TPGS2: variants seen among roughly 807,000 people sequenced by gnomAD.
TPGS2 encodes polyglutamylase subunit 2.
In TPGS2, 26 loss-of-function variants were observed where a neutral mutation model predicts 31.1. The ratio of observed to expected loss-of-function variants is 0.84; its 90% confidence interval spans 0.61 to 1.16. TPGS2 has a LOEUF of 1.16. Ranked by LOEUF, TPGS2 falls within the 50% of genes most tolerant of loss-of-function variation. The pLI, the probability that TPGS2 is intolerant of heterozygous loss-of-function variation, is 0.00. For missense variants in TPGS2, 351 were observed against 363.8 expected (o/e 0.96, Z 0.29); for synonymous variants, 130 against 136.6 (o/e 0.95, Z 0.34).
intron 2 of TPGS2, among the ~76,000 whole-genome samples, 181 bp from the exon 3 acceptor site, chr18:36,808,115 GC>G (rs2045253020): frequency 6.6e-6 from 1 of 152,100 alleles, no homozygotes; most frequent in Admixed American, 6.5e-5. Context: ...GTTCCAGTTT[GC>G]CTTTTTTTTC....
chr18:36,797,179 AAAT>A (rs1243450605), intron 6 of TPGS2, 129 bp from the exon 7 acceptor site: 1 of 1,518,582 alleles, frequency 6.6e-7, no homozygotes, highest in Non-Finnish European at 8.8e-7. Context: ...AACTGCCTAA[AAAT>A]CTATTTGCTC....
rs565554635 is a variant in TPGS2, at chr18:36,784,132, T to C, written c.658-1001A>G. On this transcript the variant is annotated intron_variant, in intron 6 of 6. Coordinates refer to the TPGS2 transcript ENST00000587129. ...GATTTTAGCTCAATAAAACTAATGT[T>C]GAACTGCTAGCCTCCAGAAATATGA... 3.3e-5 allele frequency among the ~76,000 whole-genome samples: 5 copies of C among 152,302 alleles called. No individual in the cohort carries two copies. In the South Asian group the frequency reaches 8.3e-4, roughly 25 times the overall value.
Position 36,800,270 on chromosome 18 carries a change from T to A in TPGS2, c.424A>T (p.Ser142Cys). Residue 142 changes from serine (S) to cysteine (C), a missense_variant, in exon 5 of 7, where the codon AGT becomes TGT. Ser to Cys is a moderately radical substitution (Grantham distance 112). Transcript: ENST00000334295. ...QPEKPHFDSRSVIFELDSCNG... is the reference protein window; with the variant it reads ...QPEKPHFDSRCVIFELDSCNG... ...CATGAATCCAGCTCAAATATCACACTGCGAGAGTCAAAGTGAGGCTTCTCT... is the reference window on the plus strand; with the variant it reads ...CATGAATCCAGCTCAAATATCACACAGCGAGAGTCAAAGTGAGGCTTCTCT... 3 of 1,614,190 alleles carry A rather than the reference T, an allele frequency of 1.9e-6. No individual in the cohort carries two copies. In the South Asian group the frequency reaches 3.3e-5, roughly 18 times the overall value.
At chr18:36,786,649 A>C in intron 6 of TPGS2, 1 of 420,128 alleles carries the variant, frequency 2.4e-6, no homozygotes, top group Non-Finnish European at 4.0e-6. Flanking sequence ...CTCTCTTTTA[A>C]TATCAATGCT....
downstream of TPGS2, among the ~76,000 whole-genome samples, chr18:36,791,628 T>C (rs898191242): frequency 5.3e-5 from 8 of 152,142 alleles, no homozygotes; most frequent in Admixed American, 1.3e-4. Context: ...TTCTCAACTA[T>C]ATATTAGCTT....
intron 6 of TPGS2, chr18:36,798,219 C>G: frequency 7.3e-7 from 1 of 1,369,882 alleles, no homozygotes; most frequent in Non-Finnish European, 9.4e-7. Context: ...AAAAATAAAA[C>G]TCCCCAGTTA....
intron 6 of TPGS2, among the ~76,000 whole-genome samples, chr18:36,783,550 GC>G (rs1157187584): frequency 1.3e-5 from 2 of 152,196 alleles, no homozygotes; most frequent in Non-Finnish European, 2.9e-5. Context: ...GTGGGAGGGT[GC>G]ACAGGGCCTT....
At chr18:36,787,066 ATAT>A (rs1337866091) in intron 6 of TPGS2, 1 of 1,233,058 alleles carries the variant, frequency 8.1e-7, no homozygotes, top group Non-Finnish European at 1.0e-6. Flanking sequence ...ATTCATTTTG[ATAT>A]TATAAGTTAT....
At chr18:36,817,823 T>C (rs2045723936) in intron 2 of TPGS2, 1 of 152,244 alleles carries the variant, frequency 6.6e-6, no homozygotes, top group African/African-American at 2.4e-5. Context: ...ATTCATTTAG[T>C]ATGGAATGAC....
chr18:36,782,530 G>T (rs189319426), downstream of TPGS2, among the ~76,000 whole-genome samples: 28 of 152,278 alleles, frequency 1.8e-4, no homozygotes, highest in East Asian at 4.4e-3. Context: ...CCTTCCCCCC[G>T]ATTCTAATGT....
chr18:36,808,542 G>A (rs1476987577), intron 2 of TPGS2, among the ~76,000 whole-genome samples: 2 of 152,026 alleles, frequency 1.3e-5, no homozygotes, highest in African/African-American at 2.4e-5. Context: ...GGAGGCTGAG[G>A]CAGGAGAATG....
downstream of TPGS2, among the ~76,000 whole-genome samples, chr18:36,791,700 C>G (rs1309663413): frequency 6.6e-6 from 1 of 152,100 alleles, no homozygotes; most frequent in Non-Finnish European, 1.5e-5. Flanking sequence ...GAATGCATGG[C>G]TGGAAAAACA....
Position 36,828,891 on chromosome 18 carries a change from T to C in TPGS2, c.-124A>G, listed in dbSNP as rs917637052. On this transcript the variant is annotated 5_prime_UTR_variant, in exon 1 of 7. Coordinates refer to ENST00000334295, the MANE Select transcript of TPGS2 (RefSeq NM_015476.4). Reference sequence around the variant, plus strand: ...CTCGGCGCCTGAAAGCGCGGCGCAGTGATGATGGGGGCCCGGGGTTGGTCT... The same window carrying C: ...CTCGGCGCCTGAAAGCGCGGCGCAGCGATGATGGGGGCCCGGGGTTGGTCT... 8.2e-7 allele frequency: 1 copy of C among 1,220,774 alleles called. No individual in the cohort carries two copies. The highest frequency in any genetic ancestry group is 1.1e-6 in the Non-Finnish European group (1 of 882,016). 75.6% of individuals were successfully genotyped at this position (1,220,774 alleles called of 1,614,324 possible).
intron 6 of TPGS2, chr18:36,798,146 G>T: frequency 8.7e-7 from 1 of 1,154,810 alleles, no homozygotes; most frequent in Admixed American, 4.0e-5. Flanking sequence ...CACTCTTCCT[G>T]GGTGCATGTA....
chr18:36,819,060 G>T, intron 1 of TPGS2, 87 bp from the exon 2 acceptor site: 2 of 1,066,550 alleles, frequency 1.9e-6, no homozygotes, highest in Non-Finnish European at 2.8e-6. Flanking sequence ...GTTGATGACT[G>T]CTCTTAAGAA....
At chr18:36,815,018 G>A (rs1457794333) in intron 2 of TPGS2, among the ~76,000 whole-genome samples, 1 of 152,218 alleles carries the variant, frequency 6.6e-6, no homozygotes, top group African/African-American at 2.4e-5. Flanking sequence ...CCCCTTCTTA[G>A]GGGCCTTATC....
At chr18:36,793,831 A>G (rs58979547), downstream of TPGS2, among the ~76,000 whole-genome samples, 18,029 of 151,278 alleles carry the variant, frequency 0.12, 1,324 homozygotes, top group Admixed American at 0.17. Context: ...TCTGCCTCCC[A>G]GGTTCACGCC....
In TPGS2 at chr18:36,828,624, C is replaced by T. The variant is rs554672458; in HGVS notation, c.85+59G>A. On this transcript the variant is annotated intron_variant, in intron 1 of 6. Coordinates refer to ENST00000334295, the MANE Select transcript of TPGS2 (RefSeq NM_015476.4). ...CGCACCGCTCACCCCGCACCTCATCCCTCCGCTCCTCCTTCCTTCTCCTCC... is the reference window on the plus strand; with the variant it reads ...CGCACCGCTCACCCCGCACCTCATCTCTCCGCTCCTCCTTCCTTCTCCTCC... The T allele has an allele frequency of 3.8e-6, 6 of 1,588,192 alleles. No individual in the cohort carries two copies. The South Asian group carries it at 6.7e-5, about 18-fold the overall frequency.
At chr18:36,787,157 A>T (rs1224205785) in intron 6 of TPGS2, 2 of 1,229,220 alleles carry the variant, frequency 1.6e-6, no homozygotes, top group Non-Finnish European at 2.0e-6. Flanking sequence ...ATAGCATGTT[A>T]CAGGTAGCAC....
Sources: gnomAD v4.1 joint callset for allele counts (sites outside exome capture counted in the v4.1 genomes callset) on GRCh38, gnomAD v4.1.1 for gene constraint, MANE v1.5 for transcripts, NCBI Gene and HGNC (gene_info 2026-07-23, HGNC 2026-07-21) for gene names.